The following CCDC126 variants were observed in gnomAD, a reference collection of about 807,000 sequenced individuals.
CCDC126 encodes the protein coiled-coil domain-containing protein 126.
A neutral mutation model predicts 11.7 loss-of-function variants in CCDC126; 5 were observed. The observed-to-expected ratio is 0.43, with a 90% CI of 0.22 to 0.90. The LOEUF (loss-of-function observed/expected upper bound fraction) is 0.90. Ranked by LOEUF, CCDC126 falls within the 40% of genes least tolerant of loss-of-function variation. The pLI, the probability that CCDC126 is intolerant of heterozygous loss-of-function variation, is 0.27. For synonymous variants in CCDC126, 60 were observed against 61.9 expected (o/e 0.97, Z 0.14); for missense variants, 150 against 163.1 (o/e 0.92, Z 0.44).
intron 3 of CCDC126, among the ~76,000 whole-genome samples, chr7:23,637,500 C>T (rs1398400249): frequency 6.6e-5 from 5 of 76,214 alleles, no homozygotes; most frequent in African/African-American, 1.6e-4. Context: ...GCCCCCCGCC[C>T]GGCCAGCCGC....
In CCDC126 at chr7:23,611,267, C is replaced by T; in HGVS notation, c.-49C>T. On this transcript the variant is annotated 5_prime_UTR_variant, in exon 3 of 4. Transcript: ENST00000307471. ...TTTTCAAGTCTTGATTTGTGGCTTA[C>T]CTCAAGTTACCATTTTTCAGTCAAG... The T allele has an allele frequency of 8.7e-7, 1 of 1,146,280 alleles. No homozygotes were observed. The highest frequency in any genetic ancestry group is 1.3e-6 in the Non-Finnish European group (1 of 765,020). The allele number at this position is 1,146,280 out of a possible 1,614,324, so 71.0% of individuals were successfully genotyped here.
At chr7:23,616,447 G>C (rs1338317305) in intron 3 of CCDC126, among the ~76,000 whole-genome samples, 1 of 152,152 alleles carries the variant, frequency 6.6e-6, no homozygotes, top group Non-Finnish European at 1.5e-5. Flanking sequence ...TCTTCTGGTA[G>C]GTTCCTGAGA....
intron 3 of CCDC126, among the ~76,000 whole-genome samples, chr7:23,631,784 A>G (rs553626527): frequency 6.6e-6 from 1 of 152,028 alleles, no homozygotes; most frequent in African/African-American, 2.4e-5. Flanking sequence ...AATTTAATTT[A>G]TAATTTAAAA....
At chr7:23,623,625 C>A (rs923982587) in intron 3 of CCDC126, among the ~76,000 whole-genome samples, 69 of 150,790 alleles carry the variant, frequency 4.6e-4, no homozygotes, top group Non-Finnish European at 1.8e-4. Flanking sequence ...TAGTGATGGT[C>A]AAAGGGTACA....
At chr7:23,641,798 A>G (rs1338573842) in intron 3 of CCDC126, among the ~76,000 whole-genome samples, 1 of 152,244 alleles carries the variant, frequency 6.6e-6, no homozygotes, top group Non-Finnish European at 1.5e-5. Context: ...TAACATTACA[A>G]AGAGGTTAGA....
rs1423915837 is a variant in CCDC126 at position 23,598,041 on chromosome 7, C to T, written c.-156C>T. On this transcript the variant is annotated 5_prime_UTR_variant, in exon 2 of 4. Coordinates refer to ENST00000307471, the MANE Select transcript of CCDC126 (RefSeq NM_138771.4). ...AAACTCCCTCTTCAAAACTCATCTC[C>T]TGGGTGACTGGTAAGGATGAACTTA... 1.3e-5 allele frequency: 2 copies of T among 152,298 alleles called. No homozygotes were observed. The highest frequency in any genetic ancestry group is 4.8e-5 in the African/African-American group (2 of 41,458). The allele number at this position is 152,298 out of a possible 1,614,324, so 9.4% of individuals were successfully genotyped here.
chr7:23,643,732 A>G lies in CCDC126; in HGVS notation c.*617A>G, dbSNP rs1192558473. 6.6e-6 allele frequency: 1 copy of G among 152,550 alleles called. No individual in the cohort carries two copies. Among genetic ancestry groups the G allele is most frequent in the Non-Finnish European group, 1.5e-5 (1 of 68,002 alleles). 9.4% of individuals were successfully genotyped at this position (152,550 alleles called of 1,614,324 possible). On this transcript the variant is annotated 3_prime_UTR_variant, in exon 4 of 4. Coordinates refer to ENST00000307471, the MANE Select transcript of CCDC126 (RefSeq NM_138771.4). ...GTATATTTTTAAAAATTACACTTAT[A>G]AGAGTATAATCTTGAAATGGGTAGC...
chr7:23,621,975 C>T lies in CCDC126; in HGVS notation c.238+10422C>T, dbSNP rs919978615. Among the ~76,000 whole-genome samples the T allele has an allele frequency of 6.6e-5, 10 of 152,236 alleles. 1 individual carries two copies. In the South Asian group the frequency reaches 8.3e-4, roughly 13 times the overall value. On this transcript the variant is annotated intron_variant, in intron 3 of 3. Transcript: ENST00000307471. ...AAGCTTTTTGGTGTGCTGCTGGATT[C>T]GGTTTGCCAGTGTTTTACTGAGGAT...
intron 3 of CCDC126, among the ~76,000 whole-genome samples, chr7:23,614,816 A>G (rs1294504344): frequency 6.6e-6 from 1 of 152,206 alleles, no homozygotes; most frequent in Non-Finnish European, 1.5e-5. Context: ...GTGGGTCTCA[A>G]CAGTAGGTCT....
chr7:23,639,673 C>T (rs1368120893), intron 3 of CCDC126, among the ~76,000 whole-genome samples: 1 of 152,106 alleles, frequency 6.6e-6, no homozygotes, highest in Non-Finnish European at 1.5e-5. Context: ...ATGAATGATG[C>T]CAGAGATGCA....
intron 2 of CCDC126, among the ~76,000 whole-genome samples, chr7:23,601,253 C>T (rs1038560743): frequency 6.6e-6 from 1 of 152,076 alleles, no homozygotes; most frequent in South Asian, 2.1e-4. Flanking sequence ...TAGTGGCACA[C>T]ACCTGTAGTC....
chr7:23,637,235 C>T (rs1360935487), intron 3 of CCDC126, among the ~76,000 whole-genome samples: 1 of 40,942 alleles, frequency 2.4e-5, no homozygotes, highest in Admixed American at 2.2e-4. Flanking sequence ...GGCCGGCCGC[C>T]CCGTTCGGGA....
At chr7:23,608,494 T>C (rs1782656007) in intron 2 of CCDC126, among the ~76,000 whole-genome samples, 1 of 152,220 alleles carries the variant, frequency 6.6e-6, no homozygotes, top group African/African-American at 2.4e-5. Flanking sequence ...TTTAATTTTT[T>C]TTAGCTCATC....
chr7:23,631,164 A>T (rs1286420977), intron 3 of CCDC126, among the ~76,000 whole-genome samples: 1 of 152,150 alleles, frequency 6.6e-6, no homozygotes, highest in Non-Finnish European at 1.5e-5. Flanking sequence ...AAAAGCAGAA[A>T]TCAATGAAAT....
intron 3 of CCDC126, among the ~76,000 whole-genome samples, chr7:23,617,759 C>T (rs1353548310): frequency 6.6e-6 from 1 of 152,134 alleles, no homozygotes; most frequent in Non-Finnish European, 1.5e-5. Context: ...GTTATTACCT[C>T]CTTATGTTTG....
At chr7:23,630,913 ACTTCTAAATAATGAGTCAAAGAGGAAAT>A (rs961740209) in intron 3 of CCDC126, among the ~76,000 whole-genome samples, 3 of 152,118 alleles carry the variant, frequency 2.0e-5, no homozygotes, top group African/African-American at 7.2e-5. Context: ...TGGACAACAT[ACTTCTAAATAATGAGTCAAAGAGGAAAT>A]CTCAAGGGAA....
chr7:23,612,416 G>A (rs556699391), intron 3 of CCDC126, among the ~76,000 whole-genome samples: 4 of 145,950 alleles, frequency 2.7e-5, no homozygotes, highest in Admixed American at 6.9e-5. Context: ...TGGAGGTTGT[G>A]GTGAGTCGAG....
intron 3 of CCDC126, among the ~76,000 whole-genome samples, chr7:23,637,509 G>A (rs1783253801): frequency 2.5e-5 from 2 of 79,180 alleles, no homozygotes; most frequent in African/African-American, 5.0e-5. Flanking sequence ...CCGGCCAGCC[G>A]CCCCGTCCGG....
intron 3 of CCDC126, among the ~76,000 whole-genome samples, chr7:23,638,775 A>G (rs866913553): frequency 6.5e-5 from 9 of 138,816 alleles, no homozygotes; most frequent in Non-Finnish European, 1.3e-4. Flanking sequence ...GTAGTCTGCC[A>G]GAAAAAAAAT....
Sources: gnomAD v4.1 joint callset for allele counts (sites outside exome capture counted in the v4.1 genomes callset) on GRCh38, gnomAD v4.1.1 for gene constraint, MANE v1.5 for transcripts, NCBI Gene and HGNC (gene_info 2026-07-23, HGNC 2026-07-21) for gene names.